Variants in CSMD1 observed in about 807,000 individuals in gnomAD.
CSMD1 encodes CUB and Sushi multiple domains 1.
CSMD1 carries 213 observed loss-of-function variants against 417.5 expected under a neutral mutation model. The observed-to-expected ratio is 0.51, with a 90% CI of 0.46 to 0.57. CSMD1 has a LOEUF of 0.57. CSMD1 is among the 20% of genes least tolerant of loss of function. The pLI is 0.00. For synonymous variants in CSMD1, 2,862 were observed against 1,736.8 expected, an observed-to-expected ratio of 1.65 and a Z score of -16.11; for missense variants, 6,923 against 4,529.7, an observed-to-expected ratio of 1.53 and a Z score of -15.17.
intron 8 of CSMD1, among the ~76,000 whole-genome samples, chr8:3,603,356 C>T (rs1403499515): frequency 6.6e-6 from 1 of 152,096 alleles, no homozygotes; most frequent in Non-Finnish European, 1.5e-5. Context: ...ACACTTTGGA[C>T]AATGGCAGGG....
chr8:3,833,539 CT>C (rs1802491902), intron 5 of CSMD1, among the ~76,000 whole-genome samples: 1 of 152,082 alleles, frequency 6.6e-6, no homozygotes, highest in South Asian at 2.1e-4. Flanking sequence ...TGAAGAAGCA[CT>C]TTTTTTGTGT....
chr8:3,368,975 T>C (rs922636300), intron 19 of CSMD1, among the ~76,000 whole-genome samples: 1 of 152,210 alleles, frequency 6.6e-6, no homozygotes, highest in Non-Finnish European at 1.5e-5. Flanking sequence ...AATAGATGCC[T>C]TTATTCCTTA....
intron 40 of CSMD1, among the ~76,000 whole-genome samples, chr8:3,143,258 C>G (rs1435000120): frequency 2.0e-5 from 3 of 152,150 alleles, no homozygotes; most frequent in Non-Finnish European, 4.4e-5. Context: ...GACGGTCATA[C>G]CATAGCACAA....
intron 5 of CSMD1, among the ~76,000 whole-genome samples, chr8:3,956,045 T>C (rs1811922381): frequency 6.6e-6 from 1 of 152,214 alleles, no homozygotes; most frequent in Non-Finnish European, 1.5e-5. Flanking sequence ...TCTACCTGCC[T>C]CAGCTTCCCA....
intron 2 of CSMD1, among the ~76,000 whole-genome samples, chr8:4,620,277 TCTC>T (rs1279556203): frequency 6.6e-6 from 1 of 151,540 alleles, no homozygotes; most frequent in African/African-American, 2.4e-5. Context: ...AAAAGTCTGT[TCTC>T]CTGTAAGAAA....
intron 1 of CSMD1, among the ~76,000 whole-genome samples, chr8:4,933,196 C>T (rs1432968234): frequency 2.6e-5 from 4 of 152,004 alleles, no homozygotes; most frequent in Non-Finnish European, 1.5e-5. Context: ...CTTGCTCCCT[C>T]CCTCTCTTCT....
At chr8:3,187,229 A>G (rs1487819773) in intron 36 of CSMD1, among the ~76,000 whole-genome samples, 1 of 152,222 alleles carries the variant, frequency 6.6e-6, no homozygotes, top group Non-Finnish European at 1.5e-5. Context: ...TTACAAAGCA[A>G]AGTGAAAGAA....
chr8:3,769,126 T>C (rs1726994237), intron 5 of CSMD1, among the ~76,000 whole-genome samples: 1 of 152,204 alleles, frequency 6.6e-6, no homozygotes, highest in Non-Finnish European at 1.5e-5. Flanking sequence ...TTAGTTACTA[T>C]ACAGTTAAAT....
At chr8:4,502,462 T>C (rs1458333071) in intron 2 of CSMD1, among the ~76,000 whole-genome samples, 1 of 152,130 alleles carries the variant, frequency 6.6e-6, no homozygotes. Context: ...AATAGTAATA[T>C]TTCTCCAACA....
intron 4 of CSMD1, among the ~76,000 whole-genome samples, chr8:4,024,165 T>A (rs907414196): frequency 3.3e-5 from 5 of 152,222 alleles, no homozygotes; most frequent in Non-Finnish European, 2.9e-5. Context: ...AAGAATCAGT[T>A]GTATTATTCC....
intron 1 of CSMD1, among the ~76,000 whole-genome samples, chr8:4,851,650 C>T (rs576836940): frequency 6.6e-6 from 1 of 152,170 alleles, no homozygotes; most frequent in South Asian, 2.1e-4. Flanking sequence ...CCTGACTTCT[C>T]AATGTCTCCT....
chr8:3,623,377 G>C (rs1214311034), intron 7 of CSMD1, among the ~76,000 whole-genome samples: 1 of 152,146 alleles, frequency 6.6e-6, no homozygotes, highest in Non-Finnish European at 1.5e-5. Context: ...AACTATAGAA[G>C]TAGATCAGGT....
chr8:3,103,156 C>T (rs940951695), intron 46 of CSMD1, among the ~76,000 whole-genome samples: 5 of 152,178 alleles, frequency 3.3e-5, no homozygotes, highest in African/African-American at 4.8e-5. Flanking sequence ...TACACACTTA[C>T]ACATAGACAT....
At chr8:4,304,743 A>T (rs1798154801) in intron 3 of CSMD1, among the ~76,000 whole-genome samples, 1 of 152,182 alleles carries the variant, frequency 6.6e-6, no homozygotes. Flanking sequence ...TGGTAAAAGA[A>T]AAGACCAAAA....
chr8:3,004,045 T>C (rs766727721), intron 52 of CSMD1, among the ~76,000 whole-genome samples: 1 of 152,162 alleles, frequency 6.6e-6, no homozygotes, highest in African/African-American at 2.4e-5. Flanking sequence ...CCACTGAGTA[T>C]GCACAGTAGC....
chr8:4,654,969 T>C (rs576374937), intron 1 of CSMD1, among the ~76,000 whole-genome samples: 2 of 149,262 alleles, frequency 1.3e-5, no homozygotes, highest in African/African-American at 4.9e-5. Context: ...TAGTATTTTT[T>C]AAAAGACAAC....
Position 3,200,306 on chromosome 8 carries a change from G to A in CSMD1, c.5099-497C>T, listed in dbSNP as rs541907288. Among the ~76,000 whole-genome samples the A allele has an allele frequency of 2.6e-5, 4 of 152,144 alleles. No individual in the cohort carries two copies. In the South Asian group the frequency reaches 8.3e-4, roughly 32 times the overall value. ...GAGGTGGCTCACACCTGTAATCCCA[G>A]CATTTTGGGAGGCTGAAGCTGGTGG... On this transcript the variant is annotated intron_variant, in intron 32 of 69. Transcript: ENST00000635120.
chr8:3,194,713 G>T (rs1198094135), intron 33 of CSMD1, among the ~76,000 whole-genome samples: 2 of 151,126 alleles, frequency 1.3e-5, no homozygotes, highest in Non-Finnish European at 2.9e-5. Context: ...CAGATAATCT[G>T]CCTGCCTTGG....
chr8:4,537,573 G>A (rs1227565791), intron 2 of CSMD1, among the ~76,000 whole-genome samples: 1 of 152,154 alleles, frequency 6.6e-6, no homozygotes, highest in Non-Finnish European at 1.5e-5. Context: ...AAAACTTGCT[G>A]AACATTTCGT....
Sources: gnomAD v4.1 joint callset for allele counts (sites outside exome capture counted in the v4.1 genomes callset) on GRCh38, gnomAD v4.1.1 for gene constraint, MANE v1.5 for transcripts, NCBI Gene and HGNC (gene_info 2026-07-23, HGNC 2026-07-21) for gene names.